The following NPHP4 variants were observed in gnomAD, a reference collection of about 807,000 sequenced individuals.
The protein encoded by NPHP4 is nephrocystin-4.
In NPHP4, 151 loss-of-function variants were observed where a neutral mutation model predicts 155.8. That is an observed-to-expected ratio of 0.97 (90% confidence interval 0.85 to 1.11). NPHP4 has a LOEUF of 1.11. NPHP4 is among the 50% of genes least tolerant of loss of function. The probability of loss-of-function intolerance (pLI) is 0.00; values close to 1 mark genes in which losing one functional copy is unlikely to be tolerated. For synonymous variants in NPHP4, 845 were observed against 816.8 expected (o/e 1.03, Z -0.59); for missense variants, 1,956 against 1,925.7 (o/e 1.02, Z -0.29).
intron 11 of NPHP4, among the ~76,000 whole-genome samples, chr1:5,914,286 A>AAAAG (rs70977991): frequency 7.9e-5 from 11 of 139,874 alleles, no homozygotes; most frequent in Non-Finnish European, 1.1e-4. Flanking sequence ...AAAAAAAAAA[A>AAAAG]GGCCTGGTGT....
In NPHP4 at chr1:5,874,499, A is replaced by G. The variant is rs764323785; in HGVS notation, c.3203T>C (p.Phe1068Ser). The stretch of plus-strand genomic sequence containing the variant: ...CACCATGGCCAGCTGCCCTGCAGAG[A>G]AGCTCTGGAACTTGAAGGGGACGTG... Reference protein sequence around the residue: ...TAHVPFKFQSFSAGQLAMVQA... With the variant: ...TAHVPFKFQSSSAGQLAMVQA... Residue 1068 changes from phenylalanine (F) to serine (S), a missense_variant, in exon 22 of 30, where the codon TTC (phenylalanine) becomes TCC (serine). Phe to Ser is a radical substitution (Grantham distance 155). Coordinates refer to ENST00000378156, the MANE Select transcript of NPHP4 (RefSeq NM_015102.5). The G allele has an allele frequency of 4.5e-6, 7 of 1,567,338 alleles. No homozygotes were observed. The African/African-American group carries it at 8.1e-5, about 18-fold the overall frequency.
At chr1:5,943,576 G>A (rs1646934810) in intron 9 of NPHP4, among the ~76,000 whole-genome samples, 1 of 152,216 alleles carries the variant, frequency 6.6e-6, no homozygotes, top group South Asian at 2.1e-4. Context: ...CAGGGCCACA[G>A]GGAGAGCAGA....
intron 18 of NPHP4, chr1:5,886,376 G>A (rs1444543478): frequency 6.6e-6 from 1 of 152,236 alleles, no homozygotes; most frequent in East Asian, 1.9e-4. Context: ...TGCGCTGCCA[G>A]CGTCGGGTGG....
chr1:5,965,780 G>T (rs59682435), intron 5 of NPHP4, among the ~76,000 whole-genome samples: 1 of 152,064 alleles, frequency 6.6e-6, no homozygotes. Context: ...ATCACCCACC[G>T]CTCTCCCTCT....
intron 23 of NPHP4, among the ~76,000 whole-genome samples, chr1:5,869,678 G>A (rs1641801033): frequency 6.6e-6 from 1 of 152,222 alleles, no homozygotes; most frequent in Non-Finnish European, 1.5e-5. Flanking sequence ...ATAGTGTCTA[G>A]CCCTGGTTGG....
chr1:5,877,271 A>G lies in NPHP4; in HGVS notation c.2639T>C (p.Leu880Pro), dbSNP rs1478967063. 5.0e-6 allele frequency: 8 copies of G among 1,602,486 alleles called. No individual in the cohort carries two copies. Among genetic ancestry groups the G allele is most frequent in the South Asian group, 1.1e-5 (1 of 90,218 alleles). ...RRKHVVQAQKLADVDSELAAM... is the reference protein window; with the variant it reads ...RRKHVVQAQKPADVDSELAAM... ...AGCCAGCTCACTGTCCACGTCCGCC[A>G]GCTTCTGTGCTTGCACCACGTGTTT... Residue 880 changes from leucine to proline, a missense_variant, in exon 20 of 30, where the codon CTG becomes CCG. By Grantham distance (98) the Leu-to-Pro change is moderately conservative (BLOSUM62 -3). Coordinates refer to ENST00000378156, the MANE Select transcript of NPHP4 (RefSeq NM_015102.5).
chr1:5,978,945 G>C (rs1391815178), intron 2 of NPHP4, among the ~76,000 whole-genome samples: 2 of 152,218 alleles, frequency 1.3e-5, no homozygotes, highest in African/African-American at 4.8e-5. Flanking sequence ...CCCAGATTTT[G>C]GGGTGACATT....
chr1:5,956,400 A>G (rs1459161127), intron 6 of NPHP4, among the ~76,000 whole-genome samples: 11 of 152,374 alleles, frequency 7.2e-5, no homozygotes, highest in Non-Finnish European at 1.0e-4. Context: ...GGAAGTCATC[A>G]AGGGAGGAAA....
intron 11 of NPHP4, among the ~76,000 whole-genome samples, chr1:5,920,021 C>T (rs1301724459): frequency 1.3e-5 from 2 of 152,202 alleles, no homozygotes; most frequent in African/African-American, 4.8e-5. Flanking sequence ...CAACCTCTGA[C>T]TCCCAGGTTC....
At chr1:5,918,303 G>A (rs1645573877) in intron 11 of NPHP4, among the ~76,000 whole-genome samples, 1 of 152,164 alleles carries the variant, frequency 6.6e-6, no homozygotes, top group Non-Finnish European at 1.5e-5. Flanking sequence ...AATATTTAAA[G>A]ACATTTTCAA....
In NPHP4 at chr1:5,944,456, G is replaced by A. The variant is rs1049156719; in HGVS notation, c.1119+2648C>T. On this transcript the variant is annotated intron_variant, in intron 9 of 29. Coordinates refer to ENST00000378156, the MANE Select transcript of NPHP4 (RefSeq NM_015102.5). The surrounding 1 kb of genome is among the most constrained non-coding windows in gnomAD (Gnocchi z 4.3). ...CACAGCCACCGTCACAGACGGCCCC[G>A]CCATTGTGCCTTTCTCCTCTCACGT... is the stretch of plus-strand genomic sequence containing the variant. 2.0e-5 allele frequency among the ~76,000 whole-genome samples: 3 copies of A among 152,184 alleles called. No homozygotes were observed. The highest frequency in any genetic ancestry group is 2.9e-5 in the Non-Finnish European group (2 of 68,032).
At chr1:5,888,636 A>T in intron 17 of NPHP4, 9 of 1,338,588 alleles carry the variant, frequency 6.7e-6, no homozygotes, top group Non-Finnish European at 8.9e-6. Flanking sequence ...AACAAATACA[A>T]GAAACCATGT....
At chr1:5,959,277 G>A (rs142780577) in intron 6 of NPHP4, among the ~76,000 whole-genome samples, 4 of 152,338 alleles carry the variant, frequency 2.6e-5, no homozygotes, top group East Asian at 3.9e-4. Context: ...CCTTGGTGAC[G>A]GGCCGGCTGC....
chr1:5,953,886 G>C (rs1648676136), intron 6 of NPHP4, among the ~76,000 whole-genome samples: 1 of 152,154 alleles, frequency 6.6e-6, no homozygotes, highest in South Asian at 2.1e-4. Flanking sequence ...TCTGGTCCTA[G>C]CTCCATCTCT....
At chr1:5,991,161 G>C (rs1158445373) in intron 1 of NPHP4, among the ~76,000 whole-genome samples, 1 of 152,078 alleles carries the variant, frequency 6.6e-6, no homozygotes, top group African/African-American at 2.4e-5. Context: ...GGGAGCTTTT[G>C]GGGAAGCAGA....
intron 17 of NPHP4, chr1:5,888,729 G>T (rs748747349): frequency 1.4e-6 from 1 of 693,590 alleles, no homozygotes; most frequent in Non-Finnish European, 2.2e-6. Context: ...GGCCACTGGC[G>T]ACTGGTTTAA....
chr1:5,887,462 A>T lies in NPHP4; in HGVS notation c.2309T>A (p.Leu770His). The T allele has an allele frequency of 6.2e-7, 1 of 1,612,922 alleles. No homozygotes were observed. The highest frequency in any genetic ancestry group is 1.3e-5 in the African/African-American group (1 of 75,044). The change falls in exon 18 of 30, where the codon CTC becomes CAC. Residue 770 changes from leucine (L) to histidine (H), a missense_variant. Coordinates refer to ENST00000378156, the MANE Select transcript of NPHP4 (RefSeq NM_015102.5). ...IGSAAVQMKH[L>H]LRQGRPAVQA... Reference sequence around the variant, plus strand: ...CACAGCCGGCCGGCCTTGGCGGAGGAGATGCTGCAGAAGAGAAAAGCGCGT... The same window carrying T: ...CACAGCCGGCCGGCCTTGGCGGAGGTGATGCTGCAGAAGAGAAAAGCGCGT...
intron 12 of NPHP4, among the ~76,000 whole-genome samples, 153 bp downstream of exon 12, chr1:5,908,999 G>C (rs926588435): frequency 1.3e-5 from 2 of 152,178 alleles, no homozygotes; most frequent in Non-Finnish European, 2.9e-5. Context: ...GCACAGACAG[G>C]GTAGGAGGGG....
chr1:5,919,629 G>T (rs1385489727), intron 11 of NPHP4, among the ~76,000 whole-genome samples: 1 of 152,202 alleles, frequency 6.6e-6, no homozygotes. Flanking sequence ...TTTGCAGAAT[G>T]GCTAAGATAA....
Sources: gnomAD v4.1 joint callset for allele counts (sites outside exome capture counted in the v4.1 genomes callset) on GRCh38, gnomAD v4.1.1 for gene constraint, Gnocchi (gnomAD v3.1) non-coding constraint, MANE v1.5 for transcripts, NCBI Gene and HGNC (gene_info 2026-07-23, HGNC 2026-07-21) for gene names.